The following DLG3 variants were observed in gnomAD, a reference collection of about 807,000 sequenced individuals.
DLG3 encodes disks large homolog 3.
A neutral mutation model predicts 64.1 loss-of-function variants in DLG3; 1 was observed. That is an observed-to-expected ratio of 0.02 (90% CI 0.01 to 0.07). DLG3 has a LOEUF of 0.07. DLG3 is among the 10% of genes least tolerant of loss of function. The pLI is 1.00. For synonymous variants in DLG3, 245 were observed against 259.8 expected, an observed-to-expected ratio of 0.94 and a Z score of 0.55; for missense variants, 429 against 669.5, an observed-to-expected ratio of 0.64 and a Z score of 3.96.
chrX:70,493,844 C>A (rs995948717), intron 12 of DLG3, among the ~76,000 whole-genome samples: 1 of 112,461 alleles, frequency 8.9e-6, no homozygotes, highest in Non-Finnish European at 1.9e-5. Flanking sequence ...TTCAAGAGAA[C>A]AAGGTCTAGG....
intron 9 of DLG3, among the ~76,000 whole-genome samples, chrX:70,471,674 C>CCA (rs1263849085): frequency 9.0e-6 from 1 of 111,417 alleles, no homozygotes; most frequent in East Asian, 2.8e-4. Context: ...GGAAAAAACT[C>CCA]AGATTCTTTG....
chrX:70,484,737 G>A (rs1391899050), intron 10 of DLG3, among the ~76,000 whole-genome samples: 4 of 111,410 alleles, frequency 3.6e-5, no homozygotes, highest in Non-Finnish European at 3.8e-5. Flanking sequence ...CGCTCATTGC[G>A]GGCTAATTGG....
chrX:70,451,399 C>T (rs1303876185), intron 6 of DLG3, among the ~76,000 whole-genome samples: 2 of 111,428 alleles, frequency 1.8e-5, no homozygotes, highest in Non-Finnish European at 3.8e-5. Flanking sequence ...CCGTGCCTGG[C>T]CCCCAGCTCT....
intron 7 of DLG3, chrX:70,452,471 A>AGCG: frequency 4.1e-6 from 4 of 978,787 alleles, no homozygotes; most frequent in Non-Finnish European, 5.1e-6. Flanking sequence ...CGCTGGCGGC[A>AGCG]GCGGCGGCGG....
At chrX:70,448,879 G>T in intron 1 of DLG3, 34 bp from the exon 2 acceptor site, 1 of 1,200,102 alleles carries the variant, frequency 8.3e-7, no homozygotes, top group Non-Finnish European at 1.1e-6. Context: ...GAAGGGCAGG[G>T]GGCACTAAGG....
chrX:70,448,522 T>C (rs1253387816), intron 1 of DLG3: 2 of 1,050,145 alleles, frequency 1.9e-6, no homozygotes, highest in Non-Finnish European at 2.6e-6. Context: ...GTATCCCCTA[T>C]GGACACTGGG....
intron 13 of DLG3, chrX:70,497,038 G>A (rs2087468378): frequency 2.0e-5 from 12 of 585,538 alleles, no homozygotes; most frequent in Non-Finnish European, 3.5e-5. Flanking sequence ...CTCCCAGTTG[G>A]TAGCCTGGAT....
Position 70,502,441 on chromosome X carries a change from T to C in DLG3, c.*172T>C, listed in dbSNP as rs1448278905. 9.5e-6 allele frequency: 4 copies of C among 423,167 alleles called. No individual in the cohort carries two copies. The highest frequency in any genetic ancestry group is 1.6e-5 in the Non-Finnish European group (4 of 244,344). 34.9% of individuals were successfully genotyped at this position (423,167 alleles called of 1,213,427 possible). ...GTCCTGTTCTTTTTTTTTTTTTAAG[T>C]TTTTGTTTGTTTCAGTTTATTTTTT... On this transcript the variant is annotated 3_prime_UTR_variant, in exon 19 of 19. Transcript: ENST00000374360.
chrX:70,503,903 C>T lies in DLG3; in HGVS notation c.*1634C>T, dbSNP rs755142378. 1 of 111,053 alleles carries T rather than the reference C, an allele frequency of 9.0e-6. No homozygotes were observed. 9.2% of individuals were successfully genotyped at this position (111,053 alleles called of 1,213,427 possible). ...CCTCGCCTCCATACTGGAGGGACGA[C>T]GCAGGGGAGAACAGAGAAGTGCTTG... On this transcript the variant is annotated 3_prime_UTR_variant, in exon 19 of 19. Coordinates refer to ENST00000374360, the MANE Select transcript of DLG3 (RefSeq NM_021120.4).
In DLG3 at chrX:70,484,651, A is replaced by C. The variant is rs1468176008; in HGVS notation, c.1520+5387A>C. On this transcript the variant is annotated intron_variant, in intron 10 of 18. Coordinates refer to ENST00000374360, the MANE Select transcript of DLG3 (RefSeq NM_021120.4). ...TGATTTCTAGAACTACCTATTCCCA[A>C]ACACTAGTCCTGGGCTTGCACTCAT... Among the ~76,000 whole-genome samples the C allele has an allele frequency of 1.7e-4, 19 of 111,943 alleles. No individual in the cohort carries two copies. In the Admixed American group the frequency reaches 1.8e-3, roughly 11 times the overall value.
intron 9 of DLG3, among the ~76,000 whole-genome samples, chrX:70,470,764 A>G (rs1422988716): frequency 1.8e-5 from 2 of 111,760 alleles, no homozygotes; most frequent in African/African-American, 6.5e-5. Flanking sequence ...TGTCATCTTT[A>G]ATTTTTGACA....
chrX:70,475,521 G>T (rs1286889475), intron 9 of DLG3, among the ~76,000 whole-genome samples: 1 of 111,657 alleles, frequency 9.0e-6, no homozygotes, highest in African/African-American at 3.3e-5. Flanking sequence ...ACCACACCTG[G>T]CTGATTTTTG....
At chrX:70,493,855 G>A (rs764576147) in intron 12 of DLG3, among the ~76,000 whole-genome samples, 3 of 112,423 alleles carry the variant, frequency 2.7e-5, no homozygotes, top group Non-Finnish European at 3.8e-5. Context: ...AAGGTCTAGG[G>A]ACTCAGTGTT....
At chrX:70,496,789 T>C (rs763998573) in intron 13 of DLG3, among the ~76,000 whole-genome samples, 8 of 112,913 alleles carry the variant, frequency 7.1e-5, no homozygotes, top group Non-Finnish European at 1.5e-4. Flanking sequence ...GGGACACCCA[T>C]GAGCAGACTG....
intron 10 of DLG3, among the ~76,000 whole-genome samples, chrX:70,489,222 C>A (rs1432096823): frequency 8.9e-6 from 1 of 112,243 alleles, no homozygotes; most frequent in Non-Finnish European, 1.9e-5. Flanking sequence ...CTGGCAAAAT[C>A]TTTTTGACTT....
At chrX:70,478,670 T>G (rs1249954436) in intron 9 of DLG3, among the ~76,000 whole-genome samples, 1 of 111,484 alleles carries the variant, frequency 9.0e-6, no homozygotes, top group Non-Finnish European at 1.9e-5. Flanking sequence ...AATTGTCTTC[T>G]TGCCTAACAA....
chrX:70,496,050 T>G (rs968717820), intron 13 of DLG3, among the ~76,000 whole-genome samples: 1 of 111,920 alleles, frequency 8.9e-6, no homozygotes, highest in Admixed American at 9.5e-5. Context: ...ATATAGTTAG[T>G]GCTTTATCTC....
At chrX:70,482,675 T>G (rs1444000500) in intron 10 of DLG3, among the ~76,000 whole-genome samples, 1 of 89,787 alleles carries the variant, frequency 1.1e-5, no homozygotes, top group East Asian at 3.2e-4. Flanking sequence ...TTTTTTTTTT[T>G]TTTTTTTTTT....
Position 70,445,091 on chromosome X carries a change from C to G in DLG3, c.-111C>G. ...GGTGCCCCCCCCTTCTTGGTCCGAG[C>G]AGTGTGAGTGTGCCAGGGAGCCCGG... On this transcript the variant is annotated 5_prime_UTR_variant, in exon 1 of 19. Coordinates refer to ENST00000374360, the MANE Select transcript of DLG3 (RefSeq NM_021120.4). The G allele has an allele frequency of 5.0e-6, 3 of 601,885 alleles. No homozygotes were observed. Among genetic ancestry groups the G allele is most frequent in the Non-Finnish European group, 7.3e-6 (3 of 412,741 alleles). 49.6% of individuals were successfully genotyped at this position (601,885 alleles called of 1,213,427 possible).
Sources: allele counts gnomAD v4.1 joint callset (sites outside exome capture counted in the v4.1 genomes callset), GRCh38; gene constraint gnomAD v4.1.1; transcripts MANE v1.5; gene names NCBI Gene and HGNC (gene_info 2026-07-23, HGNC 2026-07-21).